The following TENM3 variants were observed in gnomAD, a reference collection of about 807,000 sequenced individuals.
TENM3 encodes the protein teneurin transmembrane protein 3.
A neutral mutation model predicts 255.1 loss-of-function variants in TENM3; 63 were observed. The ratio of observed to expected loss-of-function variants is 0.25; its 90% CI spans 0.20 to 0.30. The LOEUF (loss-of-function observed/expected upper bound fraction) is 0.30. TENM3 is among the 10% of genes least tolerant of loss of function. The pLI is 1.00. For missense variants in TENM3, 2,929 were observed against 3,461.1 expected, an observed-to-expected ratio of 0.85 and a Z score of 3.86; for synonymous variants, 1,306 against 1,322.3, an observed-to-expected ratio of 0.99 and a Z score of 0.27.
intron 1 of TENM3, among the ~76,000 whole-genome samples, chr4:182,243,729 C>T (rs1027354798): frequency 1.1e-4 from 17 of 152,124 alleles, no homozygotes; most frequent in Admixed American, 1.1e-3. Flanking sequence ...ATACTGTGAA[C>T]TATTCAGCAC....
intron 3 of TENM3, among the ~76,000 whole-genome samples, chr4:182,385,522 C>T (rs1212511156): frequency 2.0e-5 from 3 of 152,272 alleles, no homozygotes; most frequent in African/African-American, 7.2e-5. Flanking sequence ...GCCTCGGCCT[C>T]CCAAAGTGCT....
At chr4:181,893,486 T>TTCCCCCCCCC in the TENM3 span, among the ~76,000 whole-genome samples, 5 of 11,368 alleles carry the variant, frequency 4.4e-4, no homozygotes, top group South Asian at 6.0e-3. Flanking sequence ...CACTTTCCCC[T>TTCCCCCCCCC]GCCCACCCCC....
At chr4:181,996,646 G>A in the TENM3 span, among the ~76,000 whole-genome samples, 1 of 152,156 alleles carries the variant, frequency 6.6e-6, no homozygotes, top group Non-Finnish European at 1.5e-5. Context: ...GCACTGCAGG[G>A]ACACCGTTTA....
chr4:181,668,717 G>T, the TENM3 span, among the ~76,000 whole-genome samples: 2 of 152,084 alleles, frequency 1.3e-5, no homozygotes, highest in Admixed American at 6.6e-5. Flanking sequence ...ATTCTAAGGT[G>T]CTGGGGGTTA....
In TENM3 at chr4:182,667,097, T is replaced by G. The variant is rs975408545; in HGVS notation, c.1112-5908T>G. 2.6e-5 allele frequency among the ~76,000 whole-genome samples: 4 copies of G among 152,356 alleles called. No individual in the cohort carries two copies. In the East Asian group the frequency reaches 5.8e-4, roughly 22 times the overall value. ...CTTTAAATGTGTCTATTTCATTAGCTCATTTAATTTATGGGAAATAGCCAC... is the reference window on the plus strand; with the variant it reads ...CTTTAAATGTGTCTATTTCATTAGCGCATTTAATTTATGGGAAATAGCCAC... On this transcript the variant is annotated intron_variant, in intron 6 of 27. Coordinates refer to ENST00000511685, the MANE Select transcript of TENM3 (RefSeq NM_001080477.4).
chr4:181,921,137 G>C, the TENM3 span, among the ~76,000 whole-genome samples: 145,181 of 152,088 alleles, frequency 0.95, 69,655 homozygotes, highest in East Asian at 1. Context: ...GTTACTGTAG[G>C]CTTGTAGTAG....
At chr4:181,599,475 AAG>A in the TENM3 span, among the ~76,000 whole-genome samples, 1 of 152,226 alleles carries the variant, frequency 6.6e-6, no homozygotes, top group Non-Finnish European at 1.5e-5. Context: ...ATTGGACAAT[AAG>A]AGAGACACTG....
chr4:181,647,141 A>G, the TENM3 span, among the ~76,000 whole-genome samples: 1 of 152,218 alleles, frequency 6.6e-6, no homozygotes, highest in Non-Finnish European at 1.5e-5. Context: ...AGAAGAGAAA[A>G]TATGATAAAA....
intron 3 of TENM3, among the ~76,000 whole-genome samples, chr4:182,428,398 T>C (rs966673957): frequency 3.3e-5 from 5 of 152,096 alleles, no homozygotes; most frequent in Non-Finnish European, 4.4e-5. Context: ...CTAGTTCCCA[T>C]GTGCTTTGCT....
At chr4:181,491,703 C>A in the TENM3 span, among the ~76,000 whole-genome samples, 1 of 152,094 alleles carries the variant, frequency 6.6e-6, no homozygotes, top group East Asian at 1.9e-4. Flanking sequence ...TCTTGAAATT[C>A]ATTGTTGAAA....
chr4:181,721,658 GA>G, the TENM3 span, among the ~76,000 whole-genome samples: 1 of 149,698 alleles, frequency 6.7e-6, no homozygotes, highest in Non-Finnish European at 1.5e-5. Context: ...ATCTGGGGAG[GA>G]AGAGGAATGC....
the TENM3 span, among the ~76,000 whole-genome samples, chr4:181,866,931 A>T: frequency 6.6e-6 from 1 of 151,366 alleles, no homozygotes; most frequent in African/African-American, 2.4e-5. Flanking sequence ...ATCTAACCTC[A>T]TTGCCTTAAT....
chr4:181,846,238 G>T, the TENM3 span, among the ~76,000 whole-genome samples: 11 of 151,938 alleles, frequency 7.2e-5, no homozygotes, highest in Admixed American at 3.3e-4. Flanking sequence ...AAATAAACAT[G>T]TGAAAATATT....
the TENM3 span, among the ~76,000 whole-genome samples, chr4:182,056,592 G>T: frequency 1.3e-5 from 2 of 152,222 alleles, no homozygotes; most frequent in South Asian, 2.1e-4. Context: ...CTCCAAGAAT[G>T]ATATTGCAAA....
At chr4:181,466,592 A>G in the TENM3 span, among the ~76,000 whole-genome samples, 1 of 152,210 alleles carries the variant, frequency 6.6e-6, no homozygotes, top group Non-Finnish European at 1.5e-5. Context: ...AACACATCAC[A>G]GTCAGATTGT....
chr4:182,364,665 CGT>C (rs1766292509), intron 3 of TENM3, among the ~76,000 whole-genome samples: 1 of 152,164 alleles, frequency 6.6e-6, no homozygotes, highest in Non-Finnish European at 1.5e-5. Flanking sequence ...GTGATCCGCT[CGT>C]CTCGGCCTCC....
rs556487856 is a variant in TENM3 at position 182,794,028 on chromosome 4, C to A, written c.7213+143C>A. 4.2e-6 allele frequency: 3 copies of A among 720,528 alleles called. No homozygotes were observed. In the Admixed American group the frequency reaches 9.1e-5, roughly 22 times the overall value. The allele number at this position is 720,528 out of a possible 1,614,324, so 44.6% of individuals were successfully genotyped here. A position where few individuals can be genotyped will look rare whatever the true frequency, so the allele number is the denominator to read the frequency against. ...GCTAACCTTTTAAATGTGTTTATTTCTTTATGGAACCATAGAGAAATCACA... is the reference window on the plus strand; with the variant it reads ...GCTAACCTTTTAAATGTGTTTATTTATTTATGGAACCATAGAGAAATCACA... On this transcript the variant is annotated intron_variant, in intron 26 of 27. Coordinates refer to ENST00000511685, the MANE Select transcript of TENM3 (RefSeq NM_001080477.4).
At chr4:181,970,368 A>C in the TENM3 span, among the ~76,000 whole-genome samples, 1 of 152,206 alleles carries the variant, frequency 6.6e-6, no homozygotes, top group South Asian at 2.1e-4. Flanking sequence ...TAAGCTTTCA[A>C]AACTACCTAA....
At chr4:181,647,895 G>T in the TENM3 span, among the ~76,000 whole-genome samples, 1 of 152,138 alleles carries the variant, frequency 6.6e-6, no homozygotes, top group African/African-American at 2.4e-5. Flanking sequence ...CGAGGTGTTT[G>T]GTTTCAGCTT....
Sources: allele counts gnomAD v4.1 joint callset (sites outside exome capture counted in the v4.1 genomes callset), GRCh38; gene constraint gnomAD v4.1.1; transcripts MANE v1.5; gene names NCBI Gene and HGNC (gene_info 2026-07-23, HGNC 2026-07-21).